CNTNAP2: variants seen among roughly 807,000 people sequenced by gnomAD.
CNTNAP2 encodes contactin associated protein 2, also known as contactin-associated protein-like 2.
Under a neutral mutation model 155.2 loss-of-function variants are expected in CNTNAP2, and 98 were observed. The ratio of observed to expected loss-of-function variants is 0.63; its 90% confidence interval spans 0.54 to 0.75. The LOEUF (loss-of-function observed/expected upper bound fraction) is 0.75, where lower values mean the gene tolerates loss of function less well. Among genes scored for constraint, CNTNAP2 ranks in the 30% least tolerant of loss-of-function variants. The pLI is 0.00. For missense variants in CNTNAP2, 1,727 were observed against 1,688.1 expected, an observed-to-expected ratio of 1.02 and a Z score of -0.40; for synonymous variants, 651 against 631.2, an observed-to-expected ratio of 1.03 and a Z score of -0.47.
intron 1 of CNTNAP2, among the ~76,000 whole-genome samples, chr7:146,380,650 C>G (rs1250203870): frequency 6.6e-6 from 1 of 151,898 alleles, no homozygotes; most frequent in Non-Finnish European, 1.5e-5. Flanking sequence ...TCCCATTACT[C>G]TACCTATGTA....
intron 13 of CNTNAP2, among the ~76,000 whole-genome samples, chr7:147,848,688 T>A (rs1253309027): frequency 6.7e-6 from 1 of 149,762 alleles, no homozygotes; most frequent in East Asian, 2.0e-4. Flanking sequence ...TCAAAAGGCA[T>A]TTGGGCTTCA....
intron 3 of CNTNAP2, among the ~76,000 whole-genome samples, chr7:146,923,883 G>A (rs535223252): frequency 1.3e-5 from 2 of 152,092 alleles, no homozygotes; most frequent in East Asian, 3.9e-4. Context: ...AATATTCCTG[G>A]GACCTATCCC....
chr7:146,639,122 G>A (rs62481816), intron 1 of CNTNAP2, among the ~76,000 whole-genome samples: 27,304 of 152,070 alleles, frequency 0.18, 2,895 homozygotes, highest in East Asian at 0.48. Flanking sequence ...AGCGTAGGCT[G>A]TATGCCTCAG....
chr7:147,192,381 G>T (rs563294081), intron 8 of CNTNAP2, among the ~76,000 whole-genome samples: 3 of 151,938 alleles, frequency 2.0e-5, no homozygotes, highest in Non-Finnish European at 4.4e-5. Flanking sequence ...TTTTACCCAA[G>T]GACTATACCC....
At chr7:146,355,928 G>T (rs1398923209) in intron 1 of CNTNAP2, among the ~76,000 whole-genome samples, 1 of 151,822 alleles carries the variant, frequency 6.6e-6, no homozygotes, top group African/African-American at 2.4e-5. Context: ...TAGTGATAAG[G>T]GGTATGCATA....
intron 3 of CNTNAP2, among the ~76,000 whole-genome samples, chr7:147,015,406 A>G (rs1019871854): frequency 2.0e-5 from 3 of 152,124 alleles, no homozygotes; most frequent in Admixed American, 1.3e-4. Context: ...TTTTTATTCT[A>G]TAGCTAACAT....
At chr7:147,500,710 T>C (rs985503213) in intron 11 of CNTNAP2, among the ~76,000 whole-genome samples, 5 of 152,178 alleles carry the variant, frequency 3.3e-5, no homozygotes, top group African/African-American at 9.7e-5. Context: ...ACAAAGCCCT[T>C]GCTACATAAG....
intron 12 of CNTNAP2, among the ~76,000 whole-genome samples, chr7:147,613,039 ATAAT>A (rs1801217500): frequency 6.6e-6 from 1 of 152,188 alleles, no homozygotes; most frequent in Non-Finnish European, 1.5e-5. Flanking sequence ...ATAACTAGAA[ATAAT>A]TATTATTATG....
chr7:147,402,404 C>T (rs1351653441), intron 10 of CNTNAP2, among the ~76,000 whole-genome samples: 1 of 152,158 alleles, frequency 6.6e-6, no homozygotes, highest in Non-Finnish European at 1.5e-5. Flanking sequence ...TCCTTCTGGC[C>T]TTCAGATATG....
intron 1 of CNTNAP2, among the ~76,000 whole-genome samples, chr7:146,255,487 A>G (rs1424871708): frequency 6.6e-6 from 1 of 152,226 alleles, no homozygotes; most frequent in Non-Finnish European, 1.5e-5. Flanking sequence ...GAGCCAAGAC[A>G]TTCACTTCTT....
chr7:147,639,423 A>C, intron 13 of CNTNAP2, 117 bp downstream of exon 13: 1 of 925,822 alleles, frequency 1.1e-6, no homozygotes, highest in Non-Finnish European at 1.7e-6. Flanking sequence ...GTAGGAAGGA[A>C]GCTGTAAATA....
intron 1 of CNTNAP2, among the ~76,000 whole-genome samples, chr7:146,179,764 T>G (rs555168391): frequency 6.6e-6 from 1 of 152,236 alleles, no homozygotes; most frequent in South Asian, 2.1e-4. Context: ...CTTTCAAAAT[T>G]TAATTATTGT....
intron 1 of CNTNAP2, among the ~76,000 whole-genome samples, chr7:146,304,071 C>T: frequency 6.7e-6 from 1 of 149,006 alleles, no homozygotes; most frequent in East Asian, 1.9e-4. Context: ...TCTGTTTTAT[C>T]AGAGACTAGG....
chr7:146,717,461 C>T (rs113866808), intron 1 of CNTNAP2, among the ~76,000 whole-genome samples: 2,623 of 151,850 alleles, frequency 0.017, 46 homozygotes, highest in African/African-American at 0.056. Context: ...TTGCAGTGAG[C>T]CAAGATCACG....
chr7:147,801,266 A>G (rs1017642782), intron 13 of CNTNAP2, among the ~76,000 whole-genome samples: 5 of 148,988 alleles, frequency 3.4e-5, no homozygotes, highest in Non-Finnish European at 5.9e-5. Flanking sequence ...TATCATGTAT[A>G]TGCATGTTAA....
chr7:146,655,355 A>G (rs1799978179), intron 1 of CNTNAP2, among the ~76,000 whole-genome samples: 1 of 143,206 alleles, frequency 7.0e-6, no homozygotes. Context: ...CAGAGGTTGC[A>G]GTGAGTCGCG....
intron 1 of CNTNAP2, among the ~76,000 whole-genome samples, chr7:146,721,889 A>ATATATATATATATATATTTTTTTTTTTTT: frequency 1.4e-5 from 1 of 69,708 alleles, no homozygotes; most frequent in African/African-American, 1.9e-4. Context: ...ATATATATAT[A>ATATATATATATATATATTTTTTTTTTTTT]TTTTTTTTTT....
chr7:146,820,748 C>G (rs1008195514), intron 2 of CNTNAP2, among the ~76,000 whole-genome samples: 1 of 152,110 alleles, frequency 6.6e-6, no homozygotes, highest in African/African-American at 2.4e-5. Context: ...GCTGATCTGT[C>G]TAATGTTGAC....
intron 3 of CNTNAP2, among the ~76,000 whole-genome samples, chr7:147,003,890 G>A (rs1356493412): frequency 4.6e-5 from 7 of 151,854 alleles, no homozygotes; most frequent in Non-Finnish European, 1.0e-4. Flanking sequence ...AAATTATCCA[G>A]GCATGATGGT....
Sources: allele counts gnomAD v4.1 joint callset (sites outside exome capture counted in the v4.1 genomes callset), GRCh38; gene constraint gnomAD v4.1.1; transcripts MANE v1.5; gene names NCBI Gene and HGNC (gene_info 2026-07-23, HGNC 2026-07-21).